The following GLI3 variants were observed in gnomAD, a reference collection of about 807,000 sequenced individuals.
The protein encoded by GLI3 is GLI family zinc finger 3, also known as transcription activator GLI3.
A neutral mutation model predicts 100.8 loss-of-function variants in GLI3; 20 were observed. That is an observed-to-expected ratio of 0.20 (90% CI 0.14 to 0.29). The LOEUF is 0.29. Among genes scored for constraint, GLI3 ranks in the 10% least tolerant of loss-of-function variants. The pLI is 1.00. For missense variants in GLI3, 2,040 were observed against 2,128.5 expected (o/e 0.96, Z 0.82); for synonymous variants, 938 against 860.5 (o/e 1.09, Z -1.58).
chr7:42,210,661 G>A (rs1788254256), intron 2 of GLI3, among the ~76,000 whole-genome samples: 3 of 151,838 alleles, frequency 2.0e-5, no homozygotes, highest in African/African-American at 2.4e-5. Flanking sequence ...AATAAAACAT[G>A]CTTTTTAAAA....
At chr7:42,022,888 G>A (rs1788983711) in intron 10 of GLI3, among the ~76,000 whole-genome samples, 1 of 152,182 alleles carries the variant, frequency 6.6e-6, no homozygotes, top group Non-Finnish European at 1.5e-5. Context: ...TGACCATGCT[G>A]CAGTTTCCAA....
chr7:42,044,465 T>C (rs1784204493), intron 6 of GLI3, among the ~76,000 whole-genome samples: 1 of 152,190 alleles, frequency 6.6e-6, no homozygotes, highest in Non-Finnish European at 1.5e-5. Context: ...TCTACATAAG[T>C]GACCCACAAA....
At chr7:42,244,393 C>G (rs1463964038) in intron 1 of GLI3, among the ~76,000 whole-genome samples, 1 of 152,200 alleles carries the variant, frequency 6.6e-6, no homozygotes, top group Admixed American at 6.5e-5. Flanking sequence ...ACATGTAGTG[C>G]CTTCCTATAG....
chr7:42,202,996 C>A (rs1407876768), intron 2 of GLI3, among the ~76,000 whole-genome samples: 1 of 152,208 alleles, frequency 6.6e-6, no homozygotes, highest in Admixed American at 6.5e-5. Context: ...AGGAGCTGAC[C>A]ATGGGAGGCA....
rs1240989723 is a variant in GLI3 at position 41,965,523 on chromosome 7, C to T, written c.3550G>A (p.Ala1184Thr). ...CCAAAGGCGCGAGTCTGCGGCACAG[C>T]GGGCCGCGGCCCACACTTGAGCTTG... is the stretch of plus-strand genomic sequence containing the variant. The part of the protein sequence containing the change: ...SSKLKCGPRP[A>T]VPQTRAFGFC... Residue 1184 changes from alanine to threonine, a missense_variant, in exon 15 of 15, where the codon GCT (alanine) becomes ACT (threonine). Around this residue, in one of 5 missense-constraint regions of GLI3, gnomAD observed 1,041 missense variants for 924.0 expected, o/e 1.13. Transcript: ENST00000395925. 2.5e-6 allele frequency: 4 copies of T among 1,605,218 alleles called. No individual in the cohort carries two copies. The highest frequency in any genetic ancestry group is 1.7e-5 in the Admixed American group (1 of 59,856).
At chr7:42,085,806 G>C (rs1342249539) in intron 3 of GLI3, among the ~76,000 whole-genome samples, 1 of 152,156 alleles carries the variant, frequency 6.6e-6, no homozygotes, top group Non-Finnish European at 1.5e-5. Flanking sequence ...ATATCAAGAG[G>C]TTTACCCTTG....
chr7:42,138,470 GCT>G (rs1224433384), intron 3 of GLI3, among the ~76,000 whole-genome samples: 1 of 152,206 alleles, frequency 6.6e-6, no homozygotes, highest in Non-Finnish European at 1.5e-5. Context: ...ACTGAGCCAA[GCT>G]GGGATCACAG....
rs549507863 is a variant in GLI3, at chr7:41,972,051, C to T, written c.2103+286G>A. 7.9e-5 allele frequency among the ~76,000 whole-genome samples: 12 copies of T among 152,278 alleles called. No homozygotes were observed. Among genetic ancestry groups the T allele is most frequent in the South Asian group, 4.1e-4 (2 of 4,826 alleles). On this transcript the variant is annotated intron_variant, in intron 13 of 14. Transcript: ENST00000395925. This position sits in a 1 kb window ranked among gnomAD's most constrained non-coding sequence, Gnocchi z 4.4. ...ACAGGAAGAGTCAATGAATGATTTT[C>T]GACATTACAGACACGCTGGAGAGAC...
chr7:42,025,567 C>T (rs913283283), intron 8 of GLI3, among the ~76,000 whole-genome samples, 190 bp from the exon 9 acceptor site: 2 of 152,168 alleles, frequency 1.3e-5, no homozygotes, highest in Admixed American at 6.5e-5. Context: ...TACGTTCATG[C>T]GGCAGCTCTT....
chr7:42,048,438 G>A, intron 5 of GLI3, 53 bp downstream of exon 5: 1 of 1,162,144 alleles, frequency 8.6e-7, no homozygotes, highest in Admixed American at 1.7e-5. Flanking sequence ...CCCGAGTGAG[G>A]AGCGGGGAGG....
At chr7:42,130,279 A>C (rs1786242415) in intron 3 of GLI3, among the ~76,000 whole-genome samples, 1 of 152,176 alleles carries the variant, frequency 6.6e-6, no homozygotes, top group South Asian at 2.1e-4. Context: ...AAGCAGAACA[A>C]CATTAGGCCA....
chr7:42,167,396 C>G (rs1336505059), intron 2 of GLI3, among the ~76,000 whole-genome samples: 2 of 152,134 alleles, frequency 1.3e-5, no homozygotes, highest in South Asian at 2.1e-4. Context: ...TTAGCCCATG[C>G]ATATGAGAGA....
At chr7:42,019,551 A>G (rs1347662900) in intron 10 of GLI3, among the ~76,000 whole-genome samples, 1 of 152,226 alleles carries the variant, frequency 6.6e-6, no homozygotes, top group African/African-American at 2.4e-5. Context: ...CAAATAGCAT[A>G]AACAGAAAGC....
intron 3 of GLI3, among the ~76,000 whole-genome samples, chr7:42,097,503 G>C (rs923602509): frequency 2.6e-5 from 4 of 152,166 alleles, no homozygotes; most frequent in African/African-American, 4.8e-5. Flanking sequence ...CCTACCCCGG[G>C]AGCCCCCCTT....
At chr7:42,137,657 C>A (rs997082793) in intron 3 of GLI3, among the ~76,000 whole-genome samples, 3 of 152,150 alleles carry the variant, frequency 2.0e-5, no homozygotes, top group African/African-American at 7.2e-5. Context: ...CAGAGCACCA[C>A]CAGCTATAGG....
intron 2 of GLI3, among the ~76,000 whole-genome samples, chr7:42,171,869 T>G (rs1473314864): frequency 1.3e-5 from 2 of 152,192 alleles, no homozygotes; most frequent in Non-Finnish European, 2.9e-5. Flanking sequence ...TTTATCTATT[T>G]TTCTTAGAAA....
intron 3 of GLI3, among the ~76,000 whole-genome samples, chr7:42,093,630 C>T (rs846282): frequency 0.033 from 4,968 of 152,130 alleles, 279 homozygotes; most frequent in African/African-American, 0.11. Flanking sequence ...ACCTCAAATG[C>T]CAACTGTAAT....
At chr7:42,009,199 C>T (rs530655758) in intron 10 of GLI3, among the ~76,000 whole-genome samples, 18 of 152,236 alleles carry the variant, frequency 1.2e-4, no homozygotes, top group South Asian at 4.1e-4. Context: ...GCTGAAGTCC[C>T]GTCAATCATA....
chr7:42,150,422 G>T (rs1395230889), intron 2 of GLI3, among the ~76,000 whole-genome samples: 3 of 152,148 alleles, frequency 2.0e-5, no homozygotes, highest in African/African-American at 7.2e-5. Context: ...AAGCAAAAGG[G>T]TGTCAAAAAC....
Sources: gnomAD v4.1 joint callset for allele counts (sites outside exome capture counted in the v4.1 genomes callset) on GRCh38, gnomAD v4.1.1 for gene constraint, gnomAD v4.1.1 regional missense constraint, Gnocchi (gnomAD v3.1) non-coding constraint, MANE v1.5 for transcripts, NCBI Gene and HGNC (gene_info 2026-07-23, HGNC 2026-07-21) for gene names.